Variants in GSG1L observed in about 807,000 individuals in gnomAD.
GSG1L encodes germ cell-specific gene 1-like protein.
Under a neutral mutation model 42.1 loss-of-function variants are expected in GSG1L, and 24 were observed. That is an observed-to-expected ratio of 0.57 (90% CI 0.41 to 0.80). GSG1L has a LOEUF of 0.80. Ranked by LOEUF, GSG1L falls within the 30% of genes least tolerant of loss-of-function variation. The pLI, the probability that GSG1L is intolerant of heterozygous loss-of-function variation, is 0.00. For missense variants in GSG1L, 445 were observed against 472.2 expected, an observed-to-expected ratio of 0.94 and a Z score of 0.53; for synonymous variants, 215 against 203.5, an observed-to-expected ratio of 1.06 and a Z score of -0.48.
At chr16:27,893,248 C>A (rs1211768686) in intron 2 of GSG1L, among the ~76,000 whole-genome samples, 1 of 152,186 alleles carries the variant, frequency 6.6e-6, no homozygotes, top group Non-Finnish European at 1.5e-5. Context: ...GTGATGCCAA[C>A]TCTGACCCTT....
intron 1 of GSG1L, among the ~76,000 whole-genome samples, chr16:28,035,176 C>CTGTTTT (rs532194259): frequency 3.0e-4 from 45 of 152,170 alleles, no homozygotes; most frequent in African/African-American, 5.5e-4. Context: ...CCAGCTAATG[C>CTGTTTT]TGTTTTTGTT....
At chr16:28,019,867 A>G (rs1306466946) in intron 1 of GSG1L, among the ~76,000 whole-genome samples, 1 of 152,136 alleles carries the variant, frequency 6.6e-6, no homozygotes, top group Non-Finnish European at 1.5e-5. Flanking sequence ...CACAGCCCCT[A>G]CCACTCCCTA....
At chr16:27,935,324 G>GA (rs1293214920) in intron 2 of GSG1L, among the ~76,000 whole-genome samples, 1 of 136,858 alleles carries the variant, frequency 7.3e-6, no homozygotes, top group Non-Finnish European at 1.7e-5. Context: ...CCTGATGGGG[G>GA]AATGGGGGGC....
At chr16:27,929,993 T>G (rs1175584975) in intron 2 of GSG1L, among the ~76,000 whole-genome samples, 1 of 152,108 alleles carries the variant, frequency 6.6e-6, no homozygotes, top group East Asian at 1.9e-4. Flanking sequence ...GCCTCCCCCA[T>G]GTATGCAGTG....
chr16:28,043,919 G>C (rs2086136365), intron 1 of GSG1L, among the ~76,000 whole-genome samples: 1 of 152,006 alleles, frequency 6.6e-6, no homozygotes, highest in Admixed American at 6.6e-5. Context: ...CTACTCAGGA[G>C]GCTGAGATGG....
chr16:28,000,819 T>G (rs1278375110), intron 1 of GSG1L, among the ~76,000 whole-genome samples: 1 of 152,162 alleles, frequency 6.6e-6, no homozygotes, highest in Non-Finnish European at 1.5e-5. Flanking sequence ...GTTAGCCCTT[T>G]GACCTTGTAG....
At chr16:27,806,762 T>C (rs2082968080) in intron 6 of GSG1L, among the ~76,000 whole-genome samples, 1 of 152,206 alleles carries the variant, frequency 6.6e-6, no homozygotes, top group Non-Finnish European at 1.5e-5. Context: ...CTGCCAGTGA[T>C]TAGCTAAGCT....
intron 1 of GSG1L, among the ~76,000 whole-genome samples, chr16:28,030,857 C>CTGGGA (rs1156452839): frequency 4.3e-4 from 36 of 83,950 alleles, no homozygotes; most frequent in African/African-American, 6.9e-4. Flanking sequence ...ATTGGATAGA[C>CTGGGA]TGGGATGGGA....
intron 3 of GSG1L, among the ~76,000 whole-genome samples, chr16:27,882,883 A>G (rs900388952): frequency 2.0e-5 from 3 of 152,140 alleles, no homozygotes; most frequent in Non-Finnish European, 4.4e-5. Flanking sequence ...AAGCAGGAGG[A>G]TTACTTGAGC....
chr16:27,816,649 G>A (rs1266242425), intron 5 of GSG1L, among the ~76,000 whole-genome samples: 2 of 152,202 alleles, frequency 1.3e-5, no homozygotes, highest in South Asian at 2.1e-4. Flanking sequence ...TAAAACCGTG[G>A]CTGAACTGAA....
At chr16:27,909,635 CTTT>C (rs10709968) in intron 2 of GSG1L, among the ~76,000 whole-genome samples, 15 of 88,258 alleles carry the variant, frequency 1.7e-4, no homozygotes, top group African/African-American at 4.6e-4. Context: ...CTGCACCCAG[CTTT>C]TTTTTTTTTT....
At position 27,984,254 on chromosome 16, in the gene GSG1L, G is replaced by A. The variant is rs571285172; in HGVS notation, c.350-21051C>T. On this transcript the variant is annotated intron_variant, in intron 1 of 6. Coordinates refer to ENST00000447459, the MANE Select transcript of GSG1L (RefSeq NM_001109763.2). ...GGCATCTCAGCTCCCTTGGACCTTGGAGGTGGGTTTGCATAGGCCTGCTCA... is the reference window on the plus strand; with the variant it reads ...GGCATCTCAGCTCCCTTGGACCTTGAAGGTGGGTTTGCATAGGCCTGCTCA... Among the ~76,000 whole-genome samples, 554 of 152,266 alleles carry A rather than the reference G, an allele frequency of 3.6e-3. 2 individuals carry two copies. The highest frequency in any genetic ancestry group is 0.012 in the African/African-American group (517 of 41,548).
intron 1 of GSG1L, among the ~76,000 whole-genome samples, chr16:27,965,491 C>A (rs1427614439): frequency 3.3e-5 from 5 of 152,038 alleles, no homozygotes; most frequent in Admixed American, 3.3e-4. Flanking sequence ...TCTTCCAGAC[C>A]CTTTCTTACA....
intron 2 of GSG1L, among the ~76,000 whole-genome samples, chr16:27,901,125 C>T (rs2084252179): frequency 6.6e-6 from 1 of 152,140 alleles, no homozygotes; most frequent in African/African-American, 2.4e-5. Flanking sequence ...GAGACGCTGT[C>T]TCAAAAAATA....
At chr16:27,857,126 T>C (rs2083589099) in intron 3 of GSG1L, among the ~76,000 whole-genome samples, 1 of 152,194 alleles carries the variant, frequency 6.6e-6, no homozygotes, top group African/African-American at 2.4e-5. Flanking sequence ...GATGCTTGCA[T>C]GATGAAAGGC....
At chr16:27,849,222 A>AGG (rs1567485111) in intron 3 of GSG1L, among the ~76,000 whole-genome samples, 1 of 146,382 alleles carries the variant, frequency 6.8e-6, no homozygotes, top group African/African-American at 2.5e-5. Context: ...AAAAAAAAAA[A>AGG]AGAGAAAAGA....
intron 1 of GSG1L, among the ~76,000 whole-genome samples, chr16:28,062,251 G>A (rs965059039): frequency 2.0e-5 from 3 of 152,176 alleles, no homozygotes; most frequent in Admixed American, 1.3e-4. Flanking sequence ...TCCAAAACAC[G>A]CACTCCAGCC....
In GSG1L at chr16:27,801,770, G is replaced by A. The variant is rs116236398; in HGVS notation, c.898+5717C>T. On this transcript the variant is annotated intron_variant, in intron 6 of 6. Transcript: ENST00000447459. ...TGTGGGTGATGAGGTCAGACCGGCC[G>A]GGTTCAAATCCCAGCTTTGCTACTT... 9.6e-3 allele frequency among the ~76,000 whole-genome samples: 1,457 copies of A among 152,236 alleles called. 23 individuals carry two copies. The highest frequency in any genetic ancestry group is 0.03 in the African/African-American group (1,259 of 41,532).
intron 1 of GSG1L, among the ~76,000 whole-genome samples, chr16:27,993,521 C>T (rs186081078): frequency 6.6e-6 from 1 of 152,188 alleles, no homozygotes; most frequent in East Asian, 1.9e-4. Flanking sequence ...GACAGTAAAA[C>T]CAGGCTCAAC....
Sources: allele counts gnomAD v4.1 joint callset (sites outside exome capture counted in the v4.1 genomes callset), GRCh38; gene constraint gnomAD v4.1.1; transcripts MANE v1.5; gene names NCBI Gene and HGNC (gene_info 2026-07-23, HGNC 2026-07-21).